Variants in JARID2 observed in about 807,000 individuals in gnomAD.
The protein encoded by JARID2 is protein Jumonji.
In JARID2, 21 loss-of-function variants were observed where a neutral mutation model predicts 125.6. That is an observed-to-expected ratio of 0.17 (90% CI 0.12 to 0.24). The LOEUF (loss-of-function observed/expected upper bound fraction) is 0.24, where lower values mean the gene tolerates loss of function less well. Ranked by LOEUF, JARID2 falls within the 10% of genes least tolerant of loss-of-function variation. The pLI is 1.00. For synonymous variants in JARID2, 736 were observed against 661.6 expected (o/e 1.11, Z -1.73); for missense variants, 1,303 against 1,639.6 (o/e 0.79, Z 3.55).
At chr6:15,356,491 A>G (rs1240470279) in intron 1 of JARID2, among the ~76,000 whole-genome samples, 1 of 152,326 alleles carries the variant, frequency 6.6e-6, no homozygotes, top group Non-Finnish European at 1.5e-5. Context: ...TTTAACAAGT[A>G]CATATATTTT....
In JARID2 at chr6:15,511,278, T is replaced by C; in HGVS notation, c.2847-18T>C. 6.4e-7 allele frequency: 1 copy of C among 1,563,270 alleles called. No individual in the cohort carries two copies. The highest frequency in any genetic ancestry group is 8.8e-7 in the Non-Finnish European group (1 of 1,133,790). ...TTGTCAAGTCTCTGCTTGTCTCTTGTGTCTCTCAATGACCCAGGTATTGCA... is the reference window on the plus strand; with the variant it reads ...TTGTCAAGTCTCTGCTTGTCTCTTGCGTCTCTCAATGACCCAGGTATTGCA... On this transcript the variant is annotated intron_variant, in intron 12 of 17. Coordinates refer to ENST00000341776, the MANE Select transcript of JARID2 (RefSeq NM_004973.4).
intron 1 of JARID2, among the ~76,000 whole-genome samples, chr6:15,284,045 A>T (rs986132259): frequency 2.0e-5 from 3 of 152,070 alleles, no homozygotes; most frequent in Non-Finnish European, 4.4e-5. Context: ...CTTTCATAGA[A>T]GTTTTAAATT....
At chr6:15,281,924 CTGTGTGTGTGTGTGTG>C (rs3138771) in intron 1 of JARID2, among the ~76,000 whole-genome samples, 48 of 146,264 alleles carry the variant, frequency 3.3e-4, no homozygotes, top group South Asian at 1.3e-3. Flanking sequence ...GGTATGTGCT[CTGTGTGTGTGTGTGTG>C]TGTGTGTGTG....
At chr6:15,503,946 T>G (rs919702259) in intron 8 of JARID2, among the ~76,000 whole-genome samples, 2 of 152,192 alleles carry the variant, frequency 1.3e-5, no homozygotes, top group Non-Finnish European at 2.9e-5. Flanking sequence ...AGCAGGTGGT[T>G]CTGTGGAGAG....
intron 3 of JARID2, among the ~76,000 whole-genome samples, chr6:15,419,744 CTGT>C (rs987925299): frequency 1.3e-5 from 2 of 152,162 alleles, no homozygotes; most frequent in Admixed American, 6.5e-5. Context: ...GATGAGAATC[CTGT>C]TGTTATTTTC....
intron 1 of JARID2, among the ~76,000 whole-genome samples, chr6:15,253,543 T>C (rs1005921791): frequency 6.6e-6 from 1 of 152,180 alleles, no homozygotes; most frequent in Non-Finnish European, 1.5e-5. Flanking sequence ...CCACGCAGAT[T>C]GTTCCAGAGG....
At position 15,429,836 on chromosome 6, in the gene JARID2, C is replaced by T. The variant is rs115242577; in HGVS notation, c.323+19471C>T. On this transcript the variant is annotated intron_variant, in intron 3 of 17. Coordinates refer to ENST00000341776, the MANE Select transcript of JARID2 (RefSeq NM_004973.4). ...GTTTCTACATTCTTTTCCCTGGGTA[C>T]AGAAACTCCACATCTGACCACAGGG... 6.6e-3 allele frequency among the ~76,000 whole-genome samples: 1,010 copies of T among 152,214 alleles called. 13 individuals are homozygous for T. Among genetic ancestry groups the T allele is most frequent in the African/African-American group, 0.022 (901 of 41,522 alleles).
chr6:15,324,937 A>G (rs1443996116), intron 1 of JARID2, among the ~76,000 whole-genome samples: 1 of 151,964 alleles, frequency 6.6e-6, no homozygotes, highest in Non-Finnish European at 1.5e-5. Context: ...GAATTTCAAC[A>G]GCCCTGAAAG....
chr6:15,445,679 G>C (rs992937811), intron 3 of JARID2, among the ~76,000 whole-genome samples: 6 of 152,194 alleles, frequency 3.9e-5, no homozygotes, highest in African/African-American at 1.4e-4. Flanking sequence ...TGTGGCCTGG[G>C]AACAGTTGTG....
At chr6:15,441,601 A>C (rs904470242) in intron 3 of JARID2, among the ~76,000 whole-genome samples, 1 of 151,936 alleles carries the variant, frequency 6.6e-6, no homozygotes, top group African/African-American at 2.4e-5. Flanking sequence ...GCCAGAGCCC[A>C]CTCTGGTCCT....
rs181023016 is a variant in JARID2, at chr6:15,471,484, A to G, written c.670+2766A>G. On this transcript the variant is annotated intron_variant, in intron 5 of 17. Transcript: ENST00000341776. ...CTGTATGATAGAAATCTGTTTCATC[A>G]GTGTAGTATCGGATTGGGTCCTTTT... is the stretch of plus-strand genomic sequence containing the variant. Among the ~76,000 whole-genome samples the G allele has an allele frequency of 7.0e-4, 106 of 152,280 alleles. 1 individual carries two copies. The East Asian group carries it at 0.019, about 27-fold the overall frequency.
chr6:15,404,519 GCACACACACACACA>G (rs3138770), intron 2 of JARID2, among the ~76,000 whole-genome samples: 12,290 of 138,262 alleles, frequency 0.089, 588 homozygotes, highest in Non-Finnish European at 0.11. Context: ...ATCTTAAAGT[GCACACACACACACA>G]CACACACACA....
At chr6:15,274,843 C>A (rs1760436814) in intron 1 of JARID2, among the ~76,000 whole-genome samples, 1 of 152,140 alleles carries the variant, frequency 6.6e-6, no homozygotes, top group Non-Finnish European at 1.5e-5. Flanking sequence ...TAGTGGGATT[C>A]TTAAAAAGCC....
chr6:15,379,842 T>G (rs926974701), intron 2 of JARID2, among the ~76,000 whole-genome samples: 4 of 152,106 alleles, frequency 2.6e-5, no homozygotes. Flanking sequence ...GACCAGGCCT[T>G]TTGGATCAGA....
chr6:15,452,707 G>A (rs1561872246), intron 4 of JARID2, among the ~76,000 whole-genome samples: 2 of 152,134 alleles, frequency 1.3e-5, no homozygotes, highest in African/African-American at 2.4e-5. Flanking sequence ...GTTTCAACTC[G>A]GACCAGTTAA....
intron 2 of JARID2, among the ~76,000 whole-genome samples, chr6:15,380,145 C>G (rs1002606164): frequency 1.3e-5 from 2 of 151,838 alleles, no homozygotes; most frequent in African/African-American, 4.8e-5. Context: ...AAGTGATTCT[C>G]CCACCTCAGT....
chr6:15,492,110 C>T (rs1037120898), intron 6 of JARID2, among the ~76,000 whole-genome samples: 5 of 152,214 alleles, frequency 3.3e-5, no homozygotes, highest in East Asian at 1.9e-4. Context: ...ATACAGGTGA[C>T]GGATGGCTGT....
chr6:15,302,636 C>G (rs1761673369), intron 1 of JARID2, among the ~76,000 whole-genome samples: 1 of 152,192 alleles, frequency 6.6e-6, no homozygotes, highest in Non-Finnish European at 1.5e-5. Context: ...CTAAATCAGG[C>G]TGTCCATTGC....
At chr6:15,477,504 GT>G (rs56055395) in intron 5 of JARID2, among the ~76,000 whole-genome samples, 1,747 of 137,336 alleles carry the variant, frequency 0.013, 32 homozygotes, top group African/African-American at 0.037. Context: ...GGGAGTGTTG[GT>G]TTTTTTTTTT....
Sources: gnomAD v4.1 joint callset for allele counts (sites outside exome capture counted in the v4.1 genomes callset) on GRCh38, gnomAD v4.1.1 for gene constraint, MANE v1.5 for transcripts, NCBI Gene and HGNC (gene_info 2026-07-23, HGNC 2026-07-21) for gene names.